Variants in GPC5 observed in about 807,000 individuals in gnomAD.
The protein encoded by GPC5 is glypican-5.
GPC5 carries 47 observed loss-of-function variants against 53.9 expected under a neutral mutation model. The ratio of observed to expected loss-of-function variants is 0.87; its 90% confidence interval spans 0.69 to 1.11. GPC5 has a LOEUF of 1.11. GPC5 is among the 50% of genes most tolerant of loss of function. GPC5 has a pLI of 0.00. For missense variants in GPC5, 748 were observed against 713.1 expected (o/e 1.05, Z -0.56); for synonymous variants, 286 against 263.3 (o/e 1.09, Z -0.84).
At chr13:92,060,936 G>C (rs375068266) in intron 6 of GPC5, among the ~76,000 whole-genome samples, 2 of 152,040 alleles carry the variant, frequency 1.3e-5, no homozygotes, top group South Asian at 2.1e-4. Context: ...GCAGCTATCC[G>C]TAGGCAATAG....
intron 7 of GPC5, among the ~76,000 whole-genome samples, chr13:92,512,605 C>A (rs1284540322): frequency 6.6e-6 from 1 of 152,028 alleles, no homozygotes; most frequent in Non-Finnish European, 1.5e-5. Context: ...ACTTTTTCAC[C>A]TATTTCTTCA....
chr13:92,293,422 CTTTTTTTTT>C (rs748125673), intron 7 of GPC5, among the ~76,000 whole-genome samples: 34 of 77,282 alleles, frequency 4.4e-4, no homozygotes, highest in East Asian at 8.9e-4. Context: ...TGGTTGGTTT[CTTTTTTTTT>C]TTTTTTTTTT....
chr13:92,581,293 C>T (rs1285407361), intron 7 of GPC5, among the ~76,000 whole-genome samples: 2 of 152,238 alleles, frequency 1.3e-5, no homozygotes, highest in East Asian at 1.9e-4. Context: ...CTCTTTTATA[C>T]TCTGCATGTA....
intron 6 of GPC5, among the ~76,000 whole-genome samples, chr13:91,999,994 A>T (rs1389591844): frequency 6.6e-6 from 1 of 152,242 alleles, no homozygotes; most frequent in African/African-American, 2.4e-5. Context: ...AAATCTGGCC[A>T]GTGATCTCTA....
chr13:92,417,394 C>T (rs781171265), intron 7 of GPC5, among the ~76,000 whole-genome samples: 9 of 152,132 alleles, frequency 5.9e-5, no homozygotes, highest in Non-Finnish European at 8.8e-5. Flanking sequence ...CCATACACTG[C>T]TGGTGGAAAT....
intron 7 of GPC5, among the ~76,000 whole-genome samples, chr13:92,514,815 C>T (rs975064292): frequency 2.6e-5 from 4 of 152,238 alleles, no homozygotes; most frequent in African/African-American, 9.6e-5. Context: ...ATTCGGCCTT[C>T]TCCAATAAAG....
At chr13:92,003,373 A>C (rs1294042368) in intron 6 of GPC5, among the ~76,000 whole-genome samples, 2 of 151,514 alleles carry the variant, frequency 1.3e-5, no homozygotes, top group Non-Finnish European at 2.9e-5. Context: ...AAAGAAAATT[A>C]CTCTATCTGA....
chr13:92,746,433 C>T (rs1481135658), intron 7 of GPC5, among the ~76,000 whole-genome samples: 1 of 152,026 alleles, frequency 6.6e-6, no homozygotes, highest in Admixed American at 6.6e-5. Context: ...TTTTTAGTTG[C>T]ATTTTATTCT....
At chr13:92,277,070 T>G (rs982829806) in intron 7 of GPC5, among the ~76,000 whole-genome samples, 1 of 152,056 alleles carries the variant, frequency 6.6e-6, no homozygotes, top group African/African-American at 2.4e-5. Context: ...TCACATAGGT[T>G]CCAATTATGC....
intron 7 of GPC5, among the ~76,000 whole-genome samples, chr13:92,736,115 C>T (rs946452303): frequency 3.3e-5 from 5 of 151,994 alleles, no homozygotes; most frequent in Admixed American, 3.3e-4. Context: ...TCTATCCAGA[C>T]ATTCTTTCTG....
intron 7 of GPC5, among the ~76,000 whole-genome samples, chr13:92,411,418 AC>A (rs1284272868): frequency 1.3e-5 from 2 of 152,168 alleles, no homozygotes; most frequent in Non-Finnish European, 2.9e-5. Context: ...TTGACTCCAC[AC>A]TTGTATTTTA....
At chr13:92,851,990 G>C (rs868502329) in intron 7 of GPC5, among the ~76,000 whole-genome samples, 1 of 152,008 alleles carries the variant, frequency 6.6e-6, no homozygotes, top group South Asian at 2.1e-4. Flanking sequence ...CAATGAGGAG[G>C]TGAAACCAAA....
At chr13:92,525,794 A>G (rs1416284199) in intron 7 of GPC5, among the ~76,000 whole-genome samples, 1 of 151,994 alleles carries the variant, frequency 6.6e-6, no homozygotes, top group African/African-American at 2.4e-5. Flanking sequence ...ATGAGAGCTA[A>G]TCCTGCCAGA....
intron 2 of GPC5, among the ~76,000 whole-genome samples, chr13:91,678,849 GT>G (rs1221969169): frequency 1.4e-4 from 21 of 151,930 alleles, no homozygotes; most frequent in Admixed American, 1.4e-3. Context: ...ATTCATTTTG[GT>G]TGAGAATGCC....
chr13:92,193,135 A>G (rs2042234855), intron 7 of GPC5, among the ~76,000 whole-genome samples: 1 of 152,022 alleles, frequency 6.6e-6, no homozygotes, highest in African/African-American at 2.4e-5. Flanking sequence ...AGATGGCGCC[A>G]CTGCACTCCA....
At chr13:91,535,265 A>G (rs147138166) in intron 2 of GPC5, among the ~76,000 whole-genome samples, 222 of 152,316 alleles carry the variant, frequency 1.5e-3, no homozygotes, top group Non-Finnish European at 2.7e-3. Flanking sequence ...CATTCTTGAT[A>G]GGATTATCAT....
intron 1 of GPC5, among the ~76,000 whole-genome samples, chr13:91,415,752 G>C (rs1298285561): frequency 1.4e-5 from 2 of 146,390 alleles, no homozygotes; most frequent in East Asian, 4.1e-4. Context: ...GGGGTGGGGG[G>C]GGTGGGGGCT....
At chr13:92,284,474 T>G (rs1383717123) in intron 7 of GPC5, among the ~76,000 whole-genome samples, 3 of 152,048 alleles carry the variant, frequency 2.0e-5, no homozygotes, top group Non-Finnish European at 2.9e-5. Flanking sequence ...CTGATGAACA[T>G]CAATGCAAAA....
intron 3 of GPC5, among the ~76,000 whole-genome samples, chr13:91,701,937 T>G (rs1451352339): frequency 6.6e-6 from 1 of 152,110 alleles, no homozygotes; most frequent in Non-Finnish European, 1.5e-5. Context: ...TCCCCCTTTC[T>G]CCACATCCTC....
Sources: gnomAD v4.1 joint callset for allele counts (sites outside exome capture counted in the v4.1 genomes callset) on GRCh38, gnomAD v4.1.1 for gene constraint, MANE v1.5 for transcripts, NCBI Gene and HGNC (gene_info 2026-07-23, HGNC 2026-07-21) for gene names.